CUTC: variants seen among roughly 807,000 people sequenced by gnomAD.
CUTC encodes cutC copper transporter.
Under a neutral mutation model 36.2 loss-of-function variants are expected in CUTC, and 27 were observed. The observed-to-expected ratio is 0.75, with a 90% CI of 0.55 to 1.03. The LOEUF is 1.03. CUTC is among the 50% of genes least tolerant of loss of function. The pLI is 0.00. For missense variants in CUTC, 315 were observed against 343.5 expected, an observed-to-expected ratio of 0.92 and a Z score of 0.66; for synonymous variants, 114 against 118.3, an observed-to-expected ratio of 0.96 and a Z score of 0.24.
At chr10:99,747,168 C>A in intron 5 of CUTC, 89 bp from the exon 6 acceptor site, 1 of 1,433,072 alleles carries the variant, frequency 7.0e-7, no homozygotes, top group Non-Finnish European at 9.6e-7. Flanking sequence ...CAAGCTAGGT[C>A]CAGCATGCCA....
At position 99,743,833 on chromosome 10, in the gene CUTC, G is replaced by A. The variant is rs545642030; in HGVS notation, c.404-204G>A. On this transcript the variant is annotated intron_variant, in intron 4 of 8. Transcript: ENST00000370476. The stretch of plus-strand genomic sequence containing the variant: ...TGGTTTTCATTTGGTGATAAGCCAC[G>A]ACCATTTTTTTGTATAAAAATCAGA... Among the ~76,000 whole-genome samples the A allele has an allele frequency of 3.9e-5, 6 of 152,266 alleles. No homozygotes were observed. In the South Asian group the frequency reaches 1.2e-3, roughly 32 times the overall value.
chr10:99,733,337 A>AT (rs2037247607), intron 1 of CUTC, among the ~76,000 whole-genome samples: 1 of 152,092 alleles, frequency 6.6e-6, no homozygotes, highest in African/African-American at 2.4e-5. Context: ...TTAAAACAAA[A>AT]TTTTAAAATA....
intron 5 of CUTC, among the ~76,000 whole-genome samples, chr10:99,746,268 C>A (rs1045778809): frequency 6.6e-6 from 1 of 152,056 alleles, no homozygotes. Flanking sequence ...GAACAGAAAA[C>A]CAAATACCAC....
chr10:99,741,459 A>G (rs1256924934), intron 3 of CUTC, among the ~76,000 whole-genome samples: 2 of 152,222 alleles, frequency 1.3e-5, no homozygotes, highest in South Asian at 2.1e-4. Flanking sequence ...GCTGAATATT[A>G]AAGGAGGTTC....
At chr10:99,734,328 A>G (rs1373339183) in intron 1 of CUTC, among the ~76,000 whole-genome samples, 2 of 152,194 alleles carry the variant, frequency 1.3e-5, no homozygotes, top group Non-Finnish European at 2.9e-5. Context: ...TGGCCTCCCA[A>G]AGTACTGGGA....
At chr10:99,746,760 T>A (rs1001657609) in intron 5 of CUTC, among the ~76,000 whole-genome samples, 8 of 151,980 alleles carry the variant, frequency 5.3e-5, no homozygotes, top group Admixed American at 1.3e-4. Flanking sequence ...TGAATTTTTT[T>A]ATTATTATTA....
In CUTC at chr10:99,754,648, C is replaced by T; in HGVS notation, c.707+14C>T. On this transcript the variant is annotated intron_variant, in intron 8 of 8. Coordinates refer to ENST00000370476, the MANE Select transcript of CUTC (RefSeq NM_015960.3). Reference sequence around the variant, plus strand: ...AATGAAGTTTCGGTAAAAATGTATTCTTCGATTCAAATAAGAAGGATGAGA... The same window carrying T: ...AATGAAGTTTCGGTAAAAATGTATTTTTCGATTCAAATAAGAAGGATGAGA... 1 of 1,551,692 alleles carries T rather than the reference C, an allele frequency of 6.4e-7. No individual in the cohort carries two copies. The highest frequency in any genetic ancestry group is 8.9e-7 in the Non-Finnish European group (1 of 1,127,602).
intron 2 of CUTC, 115 bp from the exon 3 acceptor site, chr10:99,739,595 C>A: frequency 1.1e-6 from 1 of 899,510 alleles, no homozygotes; most frequent in South Asian, 1.6e-5. Context: ...AATTTGATTT[C>A]TCTGAGATGA....
intron 1 of CUTC, among the ~76,000 whole-genome samples, chr10:99,735,129 AACTT>A (rs1374877023): frequency 1.2e-4 from 18 of 147,066 alleles, no homozygotes; most frequent in African/African-American, 3.5e-4. Flanking sequence ...AAAAAAAACA[AACTT>A]AGGAACTCTA....
At chr10:99,739,987 C>T (rs201213485) in intron 3 of CUTC, among the ~76,000 whole-genome samples, 10 of 152,116 alleles carry the variant, frequency 6.6e-5, no homozygotes, top group East Asian at 1.9e-4. Flanking sequence ...TTGTTAATAC[C>T]GGTTCAGCTG....
chr10:99,755,839 A>T lies in CUTC; in HGVS notation c.*100A>T. The T allele has an allele frequency of 1.4e-6, 1 of 717,200 alleles. No individual in the cohort carries two copies. Among genetic ancestry groups the T allele is most frequent in the Admixed American group, 2.9e-5 (1 of 34,472 alleles). The allele number at this position is 717,200 out of a possible 1,614,324, so 44.4% of individuals were successfully genotyped here. On this transcript the variant is annotated 3_prime_UTR_variant, in exon 9 of 9. Coordinates refer to ENST00000370476, the MANE Select transcript of CUTC (RefSeq NM_015960.3). ...TTTAACCTTCTTCTCTGGCCAGGAC[A>T]GTCGCAATCTTTGTTTTAAGTTTCA...
intron 8 of CUTC, 68 bp from the exon 9 acceptor site, chr10:99,755,557 A>G: frequency 1.0e-6 from 1 of 955,652 alleles, no homozygotes; most frequent in South Asian, 1.4e-5. Flanking sequence ...TAGTCTATAA[A>G]ATGAAGCGGC....
intron 1 of CUTC, 96 bp from the exon 2 acceptor site, chr10:99,736,150 A>G: frequency 1.1e-6 from 1 of 913,372 alleles, no homozygotes; most frequent in African/African-American, 1.6e-5. Flanking sequence ...GTTATTGGAC[A>G]TTTGCATTTT....
chr10:99,746,346 A>T (rs1302135655), intron 5 of CUTC, among the ~76,000 whole-genome samples: 2 of 152,102 alleles, frequency 1.3e-5, no homozygotes, highest in African/African-American at 4.8e-5. Flanking sequence ...AACAACACAC[A>T]CTGGGGCCTT....
intron 1 of CUTC, 116 bp downstream of exon 1, chr10:99,732,525 C>T: frequency 1.3e-6 from 2 of 1,498,278 alleles, no homozygotes; most frequent in Non-Finnish European, 1.8e-6. Context: ...CCTTCCAGCC[C>T]CTTGGGCGGC....
intron 1 of CUTC, 144 bp downstream of exon 1, chr10:99,732,553 C>A (rs1379382797): frequency 1.4e-6 from 2 of 1,454,794 alleles, no homozygotes; most frequent in South Asian, 1.4e-5. Flanking sequence ...ATCTTTGAGG[C>A]GTTAAAGGTG....
chr10:99,746,422 A>G (rs1564657060), intron 5 of CUTC, among the ~76,000 whole-genome samples: 1 of 152,062 alleles, frequency 6.6e-6, no homozygotes, highest in Non-Finnish European at 1.5e-5. Context: ...TAGGCTTAAT[A>G]CCTTGGTGAT....
At chr10:99,753,258 G>C (rs1227634091) in intron 7 of CUTC, among the ~76,000 whole-genome samples, 2 of 152,150 alleles carry the variant, frequency 1.3e-5, no homozygotes, top group Non-Finnish European at 2.9e-5. Context: ...CTTACAATAA[G>C]CTTGTGAGGT....
chr10:99,742,138 G>T (rs2037345924), intron 3 of CUTC, among the ~76,000 whole-genome samples: 1 of 152,126 alleles, frequency 6.6e-6, no homozygotes, highest in Admixed American at 6.5e-5. Context: ...CATTTTCAAG[G>T]ATCATTGCCC....
Sources: gnomAD v4.1 joint callset for allele counts (sites outside exome capture counted in the v4.1 genomes callset) on GRCh38, gnomAD v4.1.1 for gene constraint, MANE v1.5 for transcripts, NCBI Gene and HGNC (gene_info 2026-07-23, HGNC 2026-07-21) for gene names.